TUBGCP3: variants seen among roughly 807,000 people sequenced by gnomAD.
The protein encoded by TUBGCP3 is tubulin gamma complex component 3.
In TUBGCP3, 50 loss-of-function variants were observed where a neutral mutation model predicts 123.1. The observed-to-expected ratio is 0.41, with a 90% CI of 0.32 to 0.51. The LOEUF (loss-of-function observed/expected upper bound fraction) is 0.51. TUBGCP3 is among the 20% of genes least tolerant of loss of function. The pLI, the probability that TUBGCP3 is intolerant of heterozygous loss-of-function variation, is 0.36. For synonymous variants in TUBGCP3, 405 were observed against 413.9 expected, an observed-to-expected ratio of 0.98 and a Z score of 0.26; for missense variants, 882 against 1,127.0, an observed-to-expected ratio of 0.78 and a Z score of 3.11.
chr13:112,487,071 G>GTC (rs1566523529), intron 21 of TUBGCP3, among the ~76,000 whole-genome samples: 1 of 147,430 alleles, frequency 6.8e-6, no homozygotes, highest in Non-Finnish European at 1.5e-5. Context: ...GTGTGTGTGT[G>GTC]TGTGTGTGTG....
chr13:112,580,107 C>T (rs1241729596), intron 1 of TUBGCP3, among the ~76,000 whole-genome samples: 2 of 152,076 alleles, frequency 1.3e-5, no homozygotes, highest in Non-Finnish European at 2.9e-5. Flanking sequence ...ACTGCATTTA[C>T]GTGAAATTCT....
intron 11 of TUBGCP3, among the ~76,000 whole-genome samples, chr13:112,533,259 T>C (rs1483907355): frequency 6.6e-6 from 1 of 152,144 alleles, no homozygotes; most frequent in African/African-American, 2.4e-5. Context: ...CGCGTCACCA[T>C]TCAGCAGGCA....
At chr13:112,577,322 T>C (rs576195591) in intron 1 of TUBGCP3, among the ~76,000 whole-genome samples, 3 of 152,276 alleles carry the variant, frequency 2.0e-5, no homozygotes, top group East Asian at 1.9e-4. Flanking sequence ...TGGTGGCAGG[T>C]ATCCTCCATA....
rs1252148410 is a variant in TUBGCP3 at position 112,508,238 on chromosome 13, C to T, written c.2087-3524G>A. 3.3e-5 allele frequency among the ~76,000 whole-genome samples: 5 copies of T among 152,152 alleles called. No homozygotes were observed. The highest frequency in any genetic ancestry group is 9.7e-5 in the African/African-American group (4 of 41,432). On this transcript the variant is annotated intron_variant, in intron 17 of 21. Coordinates refer to ENST00000261965, the MANE Select transcript of TUBGCP3 (RefSeq NM_006322.6). The surrounding 1 kb of genome is among the most constrained non-coding windows in gnomAD (Gnocchi z 4.2). The stretch of plus-strand genomic sequence containing the variant: ...CTAGCACACACTTAAAAGGCCAACC[C>T]GTATCCCCTCACTCTGAATCCATCT...
intron 21 of TUBGCP3, among the ~76,000 whole-genome samples, chr13:112,487,053 ATGTGTGTGTG>A (rs10522089): frequency 5.4e-5 from 8 of 147,504 alleles, no homozygotes; most frequent in African/African-American, 1.0e-4. Context: ...AACACTGTGT[ATGTGTGTGTG>A]TGTGTGTGTG....
At chr13:112,578,162 T>C (rs1265939510) in intron 1 of TUBGCP3, among the ~76,000 whole-genome samples, 1 of 152,132 alleles carries the variant, frequency 6.6e-6, no homozygotes, top group African/African-American at 2.4e-5. Flanking sequence ...ATAAAACCCC[T>C]CGTGGCTTGG....
intron 11 of TUBGCP3, among the ~76,000 whole-genome samples, chr13:112,534,098 A>C (rs1263642846): frequency 6.6e-6 from 1 of 152,036 alleles, no homozygotes. Flanking sequence ...ACCTCCCATC[A>C]CCTCAAGTTT....
At chr13:112,506,783 T>C (rs1881334810) in intron 17 of TUBGCP3, among the ~76,000 whole-genome samples, 1 of 152,216 alleles carries the variant, frequency 6.6e-6, no homozygotes, top group South Asian at 2.1e-4. Context: ...AAACTACAAT[T>C]CCTTTTCAAT....
intron 11 of TUBGCP3, among the ~76,000 whole-genome samples, chr13:112,532,556 C>T (rs1447274639): frequency 2.0e-5 from 3 of 152,190 alleles, no homozygotes; most frequent in Non-Finnish European, 4.4e-5. Flanking sequence ...GGTTCTGCCT[C>T]TAACTTGAAT....
At chr13:112,536,823 G>C (rs1834779775) in intron 11 of TUBGCP3, among the ~76,000 whole-genome samples, 2 of 152,068 alleles carry the variant, frequency 1.3e-5, no homozygotes, top group Admixed American at 1.3e-4. Flanking sequence ...GTCACCCAGA[G>C]TGCAGTGGTA....
intron 11 of TUBGCP3, among the ~76,000 whole-genome samples, chr13:112,539,836 A>G (rs1179063625): frequency 6.9e-6 from 1 of 144,828 alleles, no homozygotes; most frequent in East Asian, 2.0e-4. Flanking sequence ...GAGGACGTCA[A>G]TGTAGTAGCC....
chr13:112,582,961 T>C (rs1202278773), intron 1 of TUBGCP3, among the ~76,000 whole-genome samples: 1 of 152,216 alleles, frequency 6.6e-6, no homozygotes, highest in Non-Finnish European at 1.5e-5. Context: ...ACTTATTGTC[T>C]CTATCGAGCA....
the TUBGCP3 span, chr13:112,605,092 A>C: frequency 6.6e-6 from 1 of 152,196 alleles, no homozygotes; most frequent in Non-Finnish European, 1.5e-5. Context: ...AGATCACTTA[A>C]GGTCAGGAGT....
intron 1 of TUBGCP3, among the ~76,000 whole-genome samples, chr13:112,579,733 G>A (rs1882148981): frequency 6.6e-6 from 1 of 152,186 alleles, no homozygotes; most frequent in Non-Finnish European, 1.5e-5. Flanking sequence ...CCACACTGCT[G>A]GTGCAGCGGC....
chr13:112,496,843 G>A lies in TUBGCP3; in HGVS notation c.2448+2202C>T, dbSNP rs543802585. On this transcript the variant is annotated intron_variant, in intron 20 of 21. Coordinates refer to ENST00000261965, the MANE Select transcript of TUBGCP3 (RefSeq NM_006322.6). Reference sequence around the variant, plus strand: ...ATACTAAAAATACAAAAAATTAGCCGGGCATGGTGGCAGGCACCTGTAGTC... The same window carrying A: ...ATACTAAAAATACAAAAAATTAGCCAGGCATGGTGGCAGGCACCTGTAGTC... 2.4e-3 allele frequency among the ~76,000 whole-genome samples: 365 copies of A among 152,206 alleles called. 3 individuals carry two copies. Among genetic ancestry groups the A allele is most frequent in the South Asian group, 0.018 (88 of 4,822 alleles).
At chr13:112,518,074 C>CA (rs1876301634) in intron 16 of TUBGCP3, among the ~76,000 whole-genome samples, 1 of 152,084 alleles carries the variant, frequency 6.6e-6, no homozygotes, top group Non-Finnish European at 1.5e-5. Flanking sequence ...AAAGGTTACA[C>CA]ACCAGGAATT....
At chr13:112,570,053 G>T (rs888077057) in intron 1 of TUBGCP3, among the ~76,000 whole-genome samples, 2 of 152,112 alleles carry the variant, frequency 1.3e-5, no homozygotes, top group Non-Finnish European at 2.9e-5. Context: ...GCTGAAGGGG[G>T]AGACCTGGCT....
At position 112,526,765 on chromosome 13, in the gene TUBGCP3, C is replaced by T. The variant is rs527907625; in HGVS notation, c.1555+177G>A. On this transcript the variant is annotated intron_variant, in intron 13 of 21. Transcript: ENST00000261965. The stretch of plus-strand genomic sequence containing the variant: ...ACTGCCACCACCACGCATTCATCAT[C>T]GCCATCATCACCACCCATCCCCAAC... Among the ~76,000 whole-genome samples, 3 of 151,168 alleles carry T rather than the reference C, an allele frequency of 2.0e-5. No individual in the cohort carries two copies. In the South Asian group the frequency reaches 6.3e-4, roughly 32 times the overall value.
At chr13:112,560,787 A>G (rs1594202747) in intron 3 of TUBGCP3, among the ~76,000 whole-genome samples, 1 of 152,356 alleles carries the variant, frequency 6.6e-6, no homozygotes, top group East Asian at 1.9e-4. Flanking sequence ...TCAGAAACTC[A>G]ACTAATCCCC....
Sources: allele counts gnomAD v4.1 joint callset (sites outside exome capture counted in the v4.1 genomes callset), GRCh38; gene constraint gnomAD v4.1.1; non-coding constraint Gnocchi (gnomAD v3.1); transcripts MANE v1.5; gene names NCBI Gene and HGNC (gene_info 2026-07-23, HGNC 2026-07-21).